The following CTSD variants were observed in gnomAD, a reference collection of about 807,000 sequenced individuals.
The protein encoded by CTSD is cathepsin D.
A neutral mutation model predicts 43.6 loss-of-function variants in CTSD; 28 were observed. The ratio of observed to expected loss-of-function variants is 0.64; its 90% CI spans 0.48 to 0.88. The LOEUF (loss-of-function observed/expected upper bound fraction) is 0.88. Ranked by LOEUF, CTSD falls within the 40% of genes least tolerant of loss-of-function variation. CTSD has a pLI of 0.00. For missense variants in CTSD, 485 were observed against 555.2 expected (o/e 0.87, Z 1.27); for synonymous variants, 270 against 249.8 (o/e 1.08, Z -0.76).
At chr11:1,761,266 G>C (rs377369973) in intron 2 of CTSD, 43 bp downstream of exon 2, 1 of 1,608,090 alleles carries the variant, frequency 6.2e-7, no homozygotes, top group Admixed American at 1.7e-5. Context: ...GAGCTCTCCT[G>C]ACAGTGGCTC....
intron 1 of CTSD, among the ~76,000 whole-genome samples, chr11:1,762,823 GCTA>G (rs1845898707): frequency 6.6e-6 from 1 of 152,176 alleles, no homozygotes; most frequent in Non-Finnish European, 1.5e-5. Flanking sequence ...TTTAATTGGG[GCTA>G]CCCGCCCCCG....
rs1845743251 is a variant in CTSD, at chr11:1,752,848, G to A, written c.*655C>T. 1 of 159,476 alleles carries A rather than the reference G, an allele frequency of 6.3e-6. No homozygotes were observed. The highest frequency in any genetic ancestry group is 1.9e-4 in the East Asian group (1 of 5,336). 9.9% of individuals were successfully genotyped at this position (159,476 alleles called of 1,614,324 possible). Reference sequence around the variant, plus strand: ...ACAACAGAGGTCAGCTGCAGAGGAAGGCTGGCACCAGCCCCCAATCCCAAC... The same window carrying A: ...ACAACAGAGGTCAGCTGCAGAGGAAAGCTGGCACCAGCCCCCAATCCCAAC... On this transcript the variant is annotated 3_prime_UTR_variant, in exon 9 of 9. Coordinates refer to ENST00000236671, the MANE Select transcript of CTSD (RefSeq NM_001909.5).
rs369061608 is a variant in CTSD, at chr11:1,760,862, G to T, written c.228+447C>A. 319 of 256,730 alleles carry T rather than the reference G, an allele frequency of 1.2e-3. 3 individuals carry two copies. Among genetic ancestry groups the T allele is most frequent in the South Asian group, 0.012 (307 of 25,384 alleles). The allele number at this position is 256,730 out of a possible 1,614,324, so 15.9% of individuals were successfully genotyped here. A position where few individuals can be genotyped will look rare whatever the true frequency, so the allele number is the denominator to read the frequency against. ...CAGCTTGCTAGGTGGCTTCCAGAGT[G>T]CTCCACCTTGGATCCTGCTTCCCCC... On this transcript the variant is annotated intron_variant, in intron 2 of 8. Transcript: ENST00000236671.
intron 6 of CTSD, 49 bp from the exon 7 acceptor site, chr11:1,754,187 T>TG (rs1249055847): frequency 1.3e-6 from 2 of 1,585,840 alleles, no homozygotes; most frequent in Non-Finnish European, 1.7e-6. Context: ...GAGTGTGCCC[T>TG]GGGGGCCCAG....
At chr11:1,761,760 C>T in intron 1 of CTSD, 1 of 499,730 alleles carries the variant, frequency 2.0e-6, no homozygotes. Flanking sequence ...CCCTCCTCTC[C>T]TCAGCCATTC....
rs756650281 is a variant in CTSD, at chr11:1,754,153, G to C, written c.828-15C>G. ...CCACCTCCACCCTGCGGGGAGTCAG[G>C]GCGTGAAGCCCCTGCCGGGACTGGA... On this transcript the variant is annotated splice_polypyrimidine_tract_variant and intron_variant, in intron 6 of 8. Coordinates refer to ENST00000236671, the MANE Select transcript of CTSD (RefSeq NM_001909.5). 7 of 1,606,206 alleles carry C rather than the reference G, an allele frequency of 4.4e-6. No homozygotes were observed. Among genetic ancestry groups the C allele is most frequent in the South Asian group, 3.3e-5 (3 of 90,748 alleles).
rs190605316 is a variant in CTSD at position 1,753,144 on chromosome 11, C to G, written c.*359G>C. On this transcript the variant is annotated 3_prime_UTR_variant, in exon 9 of 9. Transcript: ENST00000236671. ...GGTGTGGGGTAGGGGCTCAGCCCAGCGGGCGCTGGTAGGGCCGGGGAGGGG... is the reference window on the plus strand; with the variant it reads ...GGTGTGGGGTAGGGGCTCAGCCCAGGGGGCGCTGGTAGGGCCGGGGAGGGG... 1.1e-5 allele frequency: 4 copies of G among 362,232 alleles called. No homozygotes were observed. The highest frequency in any genetic ancestry group is 4.2e-5 in the African/African-American group (2 of 47,334). 22.4% of individuals were successfully genotyped at this position (362,232 alleles called of 1,614,324 possible).
chr11:1,758,273 G>C (rs549091508), intron 4 of CTSD, among the ~76,000 whole-genome samples: 53 of 152,234 alleles, frequency 3.5e-4, no homozygotes, highest in Non-Finnish European at 7.2e-4. Flanking sequence ...GGGCCTGCAG[G>C]GGGGCTCTGC....
Position 1,763,891 on chromosome 11 carries a change from G to A in CTSD, c.-32C>T, listed in dbSNP as rs1057523809. The stretch of plus-strand genomic sequence containing the variant: ...GGCGGCCGGGTCGGAGAGGGTCGCC[G>A]AGGCCGTGCGCTTATAGCCGGGATG... On this transcript the variant is annotated 5_prime_UTR_variant, in exon 1 of 9. Coordinates refer to ENST00000236671, the MANE Select transcript of CTSD (RefSeq NM_001909.5). The A allele has an allele frequency of 1.3e-6, 2 of 1,513,788 alleles. No individual in the cohort carries two copies. The highest frequency in any genetic ancestry group is 2.6e-5 in the East Asian group (1 of 38,404). The allele number at this position is 1,513,788 out of a possible 1,614,324, so 93.8% of individuals were successfully genotyped here.
Position 1,753,574 on chromosome 11 carries a change from T to A in CTSD, c.1168A>T (p.Ile390Phe), listed in dbSNP as rs770542776. 6.2e-7 allele frequency: 1 copy of A among 1,613,072 alleles called. No individual in the cohort carries two copies. Among genetic ancestry groups the A allele is most frequent in the South Asian group, 1.1e-5 (1 of 91,084 alleles). ...TCAAACACAGTGTAGTAGCGGCCGA[T>A]GAAGACGTCGCCCAGGATCCAGAGT... The part of the protein sequence containing the change: ...GPLWILGDVF[I>F]GRYYTVFDRD... The change falls in exon 9 of 9, where the codon ATC becomes TTC. Residue 390 changes from isoleucine to phenylalanine, a missense_variant. Physicochemically the swap from Ile to Phe is conservative, Grantham distance 21 (BLOSUM62 0). Transcript: ENST00000236671.
intron 6 of CTSD, chr11:1,754,347 G>C (rs920504584): frequency 1.0e-5 from 5 of 496,716 alleles, no homozygotes; most frequent in Non-Finnish European, 1.5e-5. Flanking sequence ...TCAGGTGGTG[G>C]TGAGGGGCAT....
At chr11:1,757,997 T>G in intron 4 of CTSD, 1 of 252,938 alleles carries the variant, frequency 4.0e-6, no homozygotes, top group Admixed American at 5.1e-5. Context: ...TCTCTGCCTG[T>G]CCCCTCCCCC....
rs746243061 is a variant in CTSD, at chr11:1,753,985, G to A, written c.972+9C>T. The A allele has an allele frequency of 1.1e-4, 69 of 651,494 alleles. No individual in the cohort carries two copies. The highest frequency in any genetic ancestry group is 1.7e-4 in the Non-Finnish European group (62 of 373,396). The allele number at this position is 651,494 out of a possible 1,614,324, so 40.4% of individuals were successfully genotyped here. ...AGCCCCAGCCCCAGCCCCAGCCCCC[G>A]GCGCTCACCTCGCCCTGAATCAGCG... On this transcript the variant is annotated intron_variant, in intron 7 of 8. Coordinates refer to ENST00000236671, the MANE Select transcript of CTSD (RefSeq NM_001909.5).
intron 5 of CTSD, 56 bp downstream of exon 5, chr11:1,757,268 T>G: frequency 6.8e-7 from 1 of 1,462,612 alleles, no homozygotes; most frequent in East Asian, 2.3e-5. Flanking sequence ...AGGCTCCCCG[T>G]CCAGCCCCGC....
chr11:1,759,039 T>C lies in CTSD; in HGVS notation c.401A>G (p.Asn134Ser). The C allele has an allele frequency of 6.8e-6, 11 of 1,614,122 alleles. No individual in the cohort carries two copies. Among genetic ancestry groups the C allele is most frequent in the Non-Finnish European group, 9.3e-6 (11 of 1,179,976 alleles). ...NSDKSSTYVK[N>S]GTSFDIHYGS... ...ATAGTGGATGTCAAACGAGGTACCA[T>C]TCTTCACGTAGGTGCTGGACTTGTC... is the stretch of plus-strand genomic sequence containing the variant. The change falls in exon 4 of 9, where the codon AAT (asparagine) becomes AGT (serine). Residue 134 changes from asparagine to serine, a missense_variant. Asn to Ser is a conservative substitution (Grantham distance 46). Coordinates refer to ENST00000236671, the MANE Select transcript of CTSD (RefSeq NM_001909.5).
At chr11:1,755,097 A>G in intron 5 of CTSD, 69 bp from the exon 6 acceptor site, 10 of 1,595,966 alleles carry the variant, frequency 6.3e-6, no homozygotes, top group Non-Finnish European at 7.7e-6. Context: ...GTCAGGAGTA[A>G]GAGGGTGAAT....
rs377369973 is a variant in CTSD at position 1,761,266 on chromosome 11, G to A, written c.228+43C>T. The stretch of plus-strand genomic sequence containing the variant: ...CCCCATACTGCCACGGAGCTCTCCT[G>A]ACAGTGGCTCCGCTTGCAGCAGGGC... On this transcript the variant is annotated intron_variant, in intron 2 of 8. Transcript: ENST00000236671. 241 of 1,608,090 alleles carry A rather than the reference G, an allele frequency of 1.5e-4. 1 individual carries two copies. The highest frequency in any genetic ancestry group is 6.6e-4 in the Middle Eastern group (4 of 6,056).
intron 1 of CTSD, chr11:1,763,516 C>A (rs1394089940): frequency 9.2e-6 from 4 of 433,586 alleles, no homozygotes; most frequent in Non-Finnish European, 1.6e-5. Context: ...AGGGAGGCTG[C>A]GGTCAGTCTG....
Position 1,763,866 on chromosome 11 carries a change from G to GGCGGCCGGGTCGGAGAGGGTCGCC in CTSD, c.-31_-8dup. The GGCGGCCGGGTCGGAGAGGGTCGCC allele has an allele frequency of 6.6e-7, 1 of 1,523,046 alleles. No individual in the cohort carries two copies. The highest frequency in any genetic ancestry group is 8.8e-7 in the Non-Finnish European group (1 of 1,140,816). 94.3% of individuals were successfully genotyped at this position (1,523,046 alleles called of 1,614,324 possible). A position where few individuals can be genotyped will look rare whatever the true frequency, so the allele number is the denominator to read the frequency against. On this transcript the variant is annotated 5_prime_UTR_variant, in exon 1 of 9. Coordinates refer to ENST00000236671, the MANE Select transcript of CTSD (RefSeq NM_001909.5). ...GAAGGCTGGAGGGCTGCATGGCGGC[G>GGCGGCCGGGTCGGAGAGGGTCGCC]GCGGCCGGGTCGGAGAGGGTCGCCG... is the stretch of plus-strand genomic sequence containing the variant.
Sources: gnomAD v4.1 joint callset for allele counts (sites outside exome capture counted in the v4.1 genomes callset) on GRCh38, gnomAD v4.1.1 for gene constraint, MANE v1.5 for transcripts, NCBI Gene and HGNC (gene_info 2026-07-23, HGNC 2026-07-21) for gene names.